Variants in SCN10A observed in about 807,000 individuals in gnomAD.
SCN10A encodes sodium voltage-gated channel alpha subunit 10, also known as sodium channel protein type 10 subunit alpha.
A neutral mutation model predicts 170.7 loss-of-function variants in SCN10A; 162 were observed. The observed-to-expected ratio is 0.95, with a 90% CI of 0.84 to 1.08. The LOEUF (loss-of-function observed/expected upper bound fraction) is 1.08, where lower values mean the gene tolerates loss of function less well. Among genes scored for constraint, SCN10A ranks in the 50% least tolerant of loss-of-function variants. The pLI is 0.00. For missense variants in SCN10A, 2,527 were observed against 2,436.9 expected, an observed-to-expected ratio of 1.04 and a Z score of -0.78; for synonymous variants, 985 against 904.6, an observed-to-expected ratio of 1.09 and a Z score of -1.59.
intron 1 of SCN10A, among the ~76,000 whole-genome samples, chr3:38,807,544 T>C (rs2064412135): frequency 6.6e-6 from 1 of 152,262 alleles, no homozygotes; most frequent in South Asian, 2.1e-4. Context: ...TGAAATCCTC[T>C]CTCTGTTCCA....
chr3:38,809,395 C>T lies in SCN10A; in HGVS notation c.-33+6642G>A, dbSNP rs574085876. Reference sequence around the variant, plus strand: ...GTTTTTAAGATTCAGGGGCTTCTCTCTTGAAACTGTCATAGCCTGGAAGTG... The same window carrying T: ...GTTTTTAAGATTCAGGGGCTTCTCTTTTGAAACTGTCATAGCCTGGAAGTG... On this transcript the variant is annotated intron_variant, in intron 1 of 27. Coordinates refer to ENST00000449082, the MANE Select transcript of SCN10A (RefSeq NM_006514.4). Among the ~76,000 whole-genome samples, 18 of 152,362 alleles carry T rather than the reference C, an allele frequency of 1.2e-4. No homozygotes were observed. In the South Asian group the frequency reaches 3.5e-3, roughly 30 times the overall value.
At chr3:38,773,533 T>G (rs2064035274) in intron 4 of SCN10A, among the ~76,000 whole-genome samples, 1 of 152,136 alleles carries the variant, frequency 6.6e-6, no homozygotes, top group Non-Finnish European at 1.5e-5. Flanking sequence ...TGTGTGCAAA[T>G]AAATTGAAGC....
At chr3:38,728,178 C>T (rs1468794120) in intron 16 of SCN10A, among the ~76,000 whole-genome samples, 2 of 152,234 alleles carry the variant, frequency 1.3e-5, no homozygotes, top group African/African-American at 2.4e-5. Flanking sequence ...TTGCATATGT[C>T]ATCTCCTGTC....
chr3:38,815,581 A>G (rs2064470956), intron 1 of SCN10A, among the ~76,000 whole-genome samples: 1 of 152,204 alleles, frequency 6.6e-6, no homozygotes, highest in South Asian at 2.1e-4. Flanking sequence ...ATCACCACTG[A>G]CCCGGAGACC....
intron 4 of SCN10A, among the ~76,000 whole-genome samples, chr3:38,786,158 A>G (rs1357785645): frequency 6.6e-6 from 1 of 152,150 alleles, no homozygotes; most frequent in Non-Finnish European, 1.5e-5. Context: ...AAATTATTCT[A>G]CTATAAAGAT....
intron 1 of SCN10A, among the ~76,000 whole-genome samples, chr3:38,807,474 A>T (rs1052751767): frequency 6.6e-6 from 1 of 152,160 alleles, no homozygotes. Context: ...ATAAACTTTT[A>T]TACTTCTACT....
Position 38,697,156 on chromosome 3 carries a change from C to G in SCN10A, c.*193G>C. On this transcript the variant is annotated 3_prime_UTR_variant, in exon 28 of 28. Coordinates refer to ENST00000449082, the MANE Select transcript of SCN10A (RefSeq NM_006514.4). The stretch of plus-strand genomic sequence containing the variant: ...GAAATCACAGTGGAAGTGCTCTTAG[C>G]TTCTGACTCCTATTTGTGTATGATG... The G allele has an allele frequency of 1.3e-6, 1 of 768,712 alleles. No homozygotes were observed. Among genetic ancestry groups the G allele is most frequent in the Non-Finnish European group, 2.0e-6 (1 of 497,734 alleles). 47.6% of individuals were successfully genotyped at this position (768,712 alleles called of 1,614,324 possible).
In SCN10A at chr3:38,761,237, C is replaced by A. The variant is rs1320222905; in HGVS notation, c.838G>T (p.Asp280Tyr). ...GNLKNKCVKN[D>Y]MAVNETTNYS... ...TTGGTTGTCTCATTGACAGCCATGT[C>A]ATTCTTGACACATTTATTTTTGAGG... Residue 280 changes from aspartate to tyrosine, a missense_variant, in exon 7 of 28, where the codon GAC becomes TAC. Physicochemically the swap from Asp to Tyr is radical, Grantham distance 160. Transcript: ENST00000449082. 6.2e-7 allele frequency: 1 copy of A among 1,609,568 alleles called. No individual in the cohort carries two copies. Among genetic ancestry groups the A allele is most frequent in the Non-Finnish European group, 8.5e-7 (1 of 1,176,882 alleles).
At chr3:38,804,151 T>C (rs2064391876) in intron 1 of SCN10A, among the ~76,000 whole-genome samples, 1 of 152,218 alleles carries the variant, frequency 6.6e-6, no homozygotes, top group Non-Finnish European at 1.5e-5. Context: ...ATTCTCTTGC[T>C]TGTTCATTGG....
intron 26 of SCN10A, among the ~76,000 whole-genome samples, chr3:38,706,959 T>C (rs2063217180): frequency 6.6e-6 from 1 of 152,174 alleles, no homozygotes; most frequent in Non-Finnish European, 1.5e-5. Flanking sequence ...CCCTGGGTTC[T>C]AACTACCCTT....
chr3:38,769,602 T>C (rs557226717), intron 5 of SCN10A, among the ~76,000 whole-genome samples: 2 of 152,332 alleles, frequency 1.3e-5, no homozygotes, highest in South Asian at 4.1e-4. Flanking sequence ...GTTGGGGAGC[T>C]AGTTTGATCT....
chr3:38,809,832 G>A (rs1469175980), intron 1 of SCN10A, among the ~76,000 whole-genome samples: 1 of 152,104 alleles, frequency 6.6e-6, no homozygotes. Context: ...ATAAATAAGG[G>A]CTATATTATA....
chr3:38,723,297 C>T, intron 19 of SCN10A, 133 bp downstream of exon 19: 2 of 1,114,270 alleles, frequency 1.8e-6, no homozygotes. Context: ...ATGCGGGCGC[C>T]CTCAAGCCTG....
intron 15 of SCN10A, among the ~76,000 whole-genome samples, chr3:38,732,618 G>C (rs1356464274): frequency 6.6e-6 from 1 of 152,150 alleles, no homozygotes; most frequent in Non-Finnish European, 1.5e-5. Context: ...TCATGTGGTG[G>C]GCAACAAGGA....
At chr3:38,808,572 A>G (rs534518013) in intron 1 of SCN10A, among the ~76,000 whole-genome samples, 2 of 152,340 alleles carry the variant, frequency 1.3e-5, no homozygotes, top group South Asian at 4.1e-4. Context: ...GTGGAGTGAA[A>G]GAACAAATGA....
intron 1 of SCN10A, among the ~76,000 whole-genome samples, chr3:38,805,607 A>T (rs147627502): frequency 6.6e-6 from 1 of 152,140 alleles, no homozygotes; most frequent in Non-Finnish European, 1.5e-5. Context: ...AGGACACCGG[A>T]CATATGAGTA....
chr3:38,814,308 G>A (rs2064458196), intron 1 of SCN10A, among the ~76,000 whole-genome samples: 1 of 152,252 alleles, frequency 6.6e-6, no homozygotes, highest in Non-Finnish European at 1.5e-5. Context: ...AGGAGTTGGG[G>A]ACACTAAGCT....
intron 8 of SCN10A, among the ~76,000 whole-genome samples, chr3:38,759,019 G>A (rs1479278388): frequency 1.3e-5 from 2 of 152,178 alleles, no homozygotes; most frequent in Non-Finnish European, 2.9e-5. Context: ...AATGCCAAGT[G>A]CATTTGTGAA....
At chr3:38,768,338 G>T (rs2063956577) in intron 5 of SCN10A, among the ~76,000 whole-genome samples, 1 of 151,848 alleles carries the variant, frequency 6.6e-6, no homozygotes, top group Non-Finnish European at 1.5e-5. Context: ...TAGGTCCTTT[G>T]ATATTTATGC....
Sources: allele counts gnomAD v4.1 joint callset (sites outside exome capture counted in the v4.1 genomes callset), GRCh38; gene constraint gnomAD v4.1.1; transcripts MANE v1.5; gene names NCBI Gene and HGNC (gene_info 2026-07-23, HGNC 2026-07-21).